ZNF254: variants seen among roughly 807,000 people sequenced by gnomAD.
ZNF254 encodes CTD-2017D11.1.
In ZNF254, 10 loss-of-function variants were observed where a neutral mutation model predicts 12.4. The observed-to-expected ratio is 0.80, with a 90% CI of 0.50 to 1.36. The LOEUF (loss-of-function observed/expected upper bound fraction) is 1.36, where lower values mean the gene tolerates loss of function less well. ZNF254 is among the 40% of genes most tolerant of loss of function. ZNF254 has a pLI of 0.00. For missense variants in ZNF254, 996 were observed against 763.9 expected (o/e 1.30, Z -3.58); for synonymous variants, 305 against 253.4 (o/e 1.20, Z -1.93).
intron 2 of ZNF254, among the ~76,000 whole-genome samples, chr19:24,067,305 G>C (rs1198317094): frequency 6.6e-6 from 1 of 151,830 alleles, no homozygotes; most frequent in Non-Finnish European, 1.5e-5. Context: ...TTATTGTTGG[G>C]CCCAGCACAC....
chr19:24,063,579 C>T (rs923937257), intron 2 of ZNF254, among the ~76,000 whole-genome samples: 29 of 152,144 alleles, frequency 1.9e-4, no homozygotes, highest in Admixed American at 1.6e-3. Flanking sequence ...CATCCTGGAC[C>T]GGTCTACAGA....
At chr19:24,106,446 C>T in intron 2 of ZNF254, 102 bp from the exon 3 acceptor site, 2 of 891,972 alleles carry the variant, frequency 2.2e-6, no homozygotes, top group East Asian at 3.7e-5. Flanking sequence ...ATTAGAATAA[C>T]TTTGTTAGCA....
chr19:24,042,001 A>G (rs1970186597), intron 1 of ZNF254, among the ~76,000 whole-genome samples: 1 of 138,998 alleles, frequency 7.2e-6, no homozygotes, highest in South Asian at 2.3e-4. Flanking sequence ...GCACCAGTCG[A>G]CACTCTGTAT....
At chr19:24,095,727 CTT>C (rs942031699) in intron 1 of ZNF254, among the ~76,000 whole-genome samples, 7 of 151,796 alleles carry the variant, frequency 4.6e-5, no homozygotes, top group African/African-American at 7.3e-5. Context: ...GGTAATGTCT[CTT>C]TTGTTATTTC....
chr19:24,082,388 T>C (rs559833962), upstream of ZNF254, among the ~76,000 whole-genome samples: 17 of 140,870 alleles, frequency 1.2e-4, no homozygotes, highest in Admixed American at 1.2e-3. Flanking sequence ...GGGTCATGCC[T>C]GTAATCCCAG....
chr19:24,074,415 C>A (rs151060668), intron 2 of ZNF254, among the ~76,000 whole-genome samples: 12 of 152,320 alleles, frequency 7.9e-5, no homozygotes, highest in African/African-American at 2.4e-4. Context: ...AGTGACATAT[C>A]TGTGAATCCA....
chr19:24,126,930 T>G lies in ZNF254; in HGVS notation c.930T>G (p.Thr310=). ...CATTTATCTGGTCCTCAACCCTTAC[T>G]GAGCATAAGAAAATTCATACTAGAA... The part of the protein sequence containing the change: ...GKAFIWSSTL[T]EHKKIHTRKK... Residue 310 remains threonine (T), a synonymous_variant, in exon 4 of 4, where the codon ACT becomes ACG. Transcript: ENST00000357002. 1 of 1,613,492 alleles carries G rather than the reference T, an allele frequency of 6.2e-7. No individual in the cohort carries two copies. The highest frequency in any genetic ancestry group is 8.5e-7 in the Non-Finnish European group (1 of 1,179,752).
chr19:24,034,658 A>T (rs1392505643), intron 1 of ZNF254, among the ~76,000 whole-genome samples: 4 of 151,532 alleles, frequency 2.6e-5, no homozygotes, highest in African/African-American at 9.7e-5. Context: ...CGCCCAGCTA[A>T]TTTTTGCGGG....
In ZNF254 at chr19:24,077,568, G is replaced by C. The variant is rs181715716; in HGVS notation, c.-93-28372G>C. Among the ~76,000 whole-genome samples the C allele has an allele frequency of 6.6e-3, 1,009 of 152,298 alleles. 4 individuals are homozygous for C. The highest frequency in any genetic ancestry group is 9.5e-3 in the Non-Finnish European group (644 of 68,024). On this transcript the variant is annotated intron_variant, in intron 2 of 4. Transcript: ENST00000613065. ...CAGCACTGAGCTCCTGGGTGATGTG[G>C]GATGTTCCAAGCATCAGCTTTCAGC...
intron 2 of ZNF254, among the ~76,000 whole-genome samples, chr19:24,060,469 C>A (rs1971024406): frequency 6.6e-6 from 1 of 152,162 alleles, no homozygotes; most frequent in Admixed American, 6.5e-5. Flanking sequence ...CTAAACCCTG[C>A]CTACTGGGGG....
chr19:24,042,646 G>A (rs1460238928), intron 1 of ZNF254, among the ~76,000 whole-genome samples: 1 of 152,144 alleles, frequency 6.6e-6, no homozygotes, highest in Non-Finnish European at 1.5e-5. Flanking sequence ...GCGAGGGTCC[G>A]CGGCTTCATT....
intron 3 of ZNF254, among the ~76,000 whole-genome samples, chr19:24,118,053 T>C (rs1974223536): frequency 6.6e-6 from 1 of 151,318 alleles, no homozygotes; most frequent in Admixed American, 6.6e-5. Context: ...CTTTTTTTTC[T>C]TTTCTTTTTT....
rs534323693 is a variant in ZNF254, at chr19:24,093,590, G to A, written c.30+6253G>A. Among the ~76,000 whole-genome samples the A allele has an allele frequency of 3.3e-5, 5 of 152,226 alleles. No individual in the cohort carries two copies. The South Asian group carries it at 1.0e-3, about 32-fold the overall frequency. ...TTGTCACCTTTGTTAAAGATCAGAT[G>A]GTTGTAGGTGAGTGACATTATTTCT... On this transcript the variant is annotated intron_variant, in intron 1 of 3. Transcript: ENST00000357002.
chr19:24,043,637 A>C (rs1353934489), intron 1 of ZNF254, among the ~76,000 whole-genome samples: 1 of 152,162 alleles, frequency 6.6e-6, no homozygotes, highest in Non-Finnish European at 1.5e-5. Flanking sequence ...AAATGTTTTG[A>C]TCTTCATCCT....
intron 2 of ZNF254, among the ~76,000 whole-genome samples, chr19:24,054,084 A>T (rs577302656): frequency 1.3e-5 from 2 of 149,564 alleles, no homozygotes; most frequent in East Asian, 3.9e-4. Context: ...ACACCAGGTG[A>T]TATGGCTCTT....
chr19:24,097,075 T>G (rs933774344), intron 1 of ZNF254, among the ~76,000 whole-genome samples: 1 of 152,300 alleles, frequency 6.6e-6, no homozygotes, highest in Admixed American at 6.5e-5. Context: ...TTTTTATCCC[T>G]GTTTTTTTGA....
chr19:24,059,493 T>C (rs1194296773), intron 2 of ZNF254, among the ~76,000 whole-genome samples: 2 of 152,206 alleles, frequency 1.3e-5, no homozygotes, highest in South Asian at 4.1e-4. Flanking sequence ...TGTGACATAT[T>C]GCTAGACTGA....
upstream of ZNF254, among the ~76,000 whole-genome samples, chr19:24,082,636 T>C (rs1406742140): frequency 7.6e-6 from 1 of 131,850 alleles, no homozygotes; most frequent in African/African-American, 2.9e-5. Flanking sequence ...GGCAACAGAG[T>C]GAGATTCCAT....
chr19:24,102,612 C>T (rs1973103522), intron 1 of ZNF254, among the ~76,000 whole-genome samples: 1 of 151,988 alleles, frequency 6.6e-6, no homozygotes, highest in Non-Finnish European at 1.5e-5. Context: ...ATCCTGTTGC[C>T]TTTTTAGAGT....
Sources: allele counts gnomAD v4.1 joint callset (sites outside exome capture counted in the v4.1 genomes callset), GRCh38; gene constraint gnomAD v4.1.1; transcripts MANE v1.5; gene names NCBI Gene and HGNC (gene_info 2026-07-23, HGNC 2026-07-21).